The following RAB3GAP2 variants were observed in gnomAD, a reference collection of about 807,000 sequenced individuals.
RAB3GAP2 encodes rab3 GTPase-activating protein non-catalytic subunit.
In RAB3GAP2, 87 loss-of-function variants were observed where a neutral mutation model predicts 185.3. The ratio of observed to expected loss-of-function variants is 0.47; its 90% CI spans 0.39 to 0.56. The LOEUF (loss-of-function observed/expected upper bound fraction) is 0.56, where lower values mean the gene tolerates loss of function less well. Ranked by LOEUF, RAB3GAP2 falls within the 20% of genes least tolerant of loss-of-function variation. The pLI is 0.00. For missense variants in RAB3GAP2, 1,492 were observed against 1,638.2 expected (o/e 0.91, Z 1.54); for synonymous variants, 554 against 576.1 (o/e 0.96, Z 0.55).
chr1:220,190,382 T>C lies in RAB3GAP2; in HGVS notation c.1626A>G (p.Ala542=), dbSNP rs759775366. 10 of 1,614,044 alleles carry C rather than the reference T, an allele frequency of 6.2e-6. No individual in the cohort carries two copies. In the East Asian group the frequency reaches 2.0e-4, roughly 32 times the overall value. Residue 542 remains alanine (A), a synonymous_variant, in exon 15 of 35, where the codon GCA becomes GCG. Coordinates refer to ENST00000358951, the MANE Select transcript of RAB3GAP2 (RefSeq NM_012414.4). The part of the protein sequence containing the change: ...VKTVNVPFHL[A]LSDKKSERAK... ...CAACACTGGACACACCTTACCTCAG[T>C]GCTAAATGGAAGGGAACGTTCACTG...
chr1:220,181,513 T>C (rs555679511), intron 21 of RAB3GAP2, among the ~76,000 whole-genome samples: 1 of 152,316 alleles, frequency 6.6e-6, no homozygotes, highest in East Asian at 1.9e-4. Context: ...CCTTGGATGA[T>C]TCTTTTGTTT....
chr1:220,155,896 T>C (rs1229807940), intron 31 of RAB3GAP2, among the ~76,000 whole-genome samples: 1 of 152,184 alleles, frequency 6.6e-6, no homozygotes, highest in African/African-American at 2.4e-5. Flanking sequence ...TTTTTTAACT[T>C]TTAAGTACTC....
intron 27 of RAB3GAP2, among the ~76,000 whole-genome samples, chr1:220,163,985 G>A (rs1658016152): frequency 6.6e-6 from 1 of 151,772 alleles, no homozygotes; most frequent in South Asian, 2.1e-4. Flanking sequence ...CATTTACTAA[G>A]GTTACTAACT....
At position 220,185,709 on chromosome 1, in the gene RAB3GAP2, TAAACGTTCACTTGCCA is replaced by T. The variant is rs1345911173; in HGVS notation, c.1796_1811del (p.Leu599TyrfsTer13). On this transcript the variant is annotated frameshift_variant, in exon 18 of 35. Coordinates refer to ENST00000358951, the MANE Select transcript of RAB3GAP2 (RefSeq NM_012414.4). LOFTEE classifies it high-confidence loss of function. ...TGATGTTTCTAAGGCAAGAAAATGG[TAAACGTTCACTTGCCA>T]AAATGCTTTCCAAAGCCTAGGAGAA... 1.2e-6 allele frequency: 2 copies of T among 1,612,562 alleles called. No individual in the cohort carries two copies. Among genetic ancestry groups the T allele is most frequent in the Non-Finnish European group, 1.7e-6 (2 of 1,178,936 alleles).
intron 31 of RAB3GAP2, among the ~76,000 whole-genome samples, chr1:220,157,050 G>T (rs1021982682): frequency 3.9e-5 from 6 of 152,116 alleles, no homozygotes; most frequent in Non-Finnish European, 8.8e-5. Flanking sequence ...ATAATATGGA[G>T]AATGAGAAGA....
intron 9 of RAB3GAP2, among the ~76,000 whole-genome samples, chr1:220,198,780 G>C (rs1011720635): frequency 6.6e-6 from 1 of 152,008 alleles, no homozygotes; most frequent in African/African-American, 2.4e-5. Flanking sequence ...CTGAGCGTCT[G>C]AGGCCTTCCC....
chr1:220,194,457 A>G (rs1658685376), intron 12 of RAB3GAP2, among the ~76,000 whole-genome samples: 1 of 152,136 alleles, frequency 6.6e-6, no homozygotes, highest in African/African-American at 2.4e-5. Flanking sequence ...CAACAGTGCA[A>G]TATCGGCTCA....
intron 17 of RAB3GAP2, among the ~76,000 whole-genome samples, chr1:220,187,462 A>C (rs1160859073): frequency 6.6e-6 from 1 of 152,202 alleles, no homozygotes; most frequent in Non-Finnish European, 1.5e-5. Flanking sequence ...AGAGCTTCAG[A>C]ATAAGGGGGT....
intron 33 of RAB3GAP2, 131 bp downstream of exon 33, chr1:220,153,054 T>C: frequency 1.4e-6 from 1 of 737,210 alleles, no homozygotes; most frequent in Admixed American, 2.1e-5. Context: ...TATTCTATTG[T>C]TCTATTTTTA....
At position 220,171,794 on chromosome 1, in the gene RAB3GAP2, G is replaced by A. The variant is rs80142151; in HGVS notation, c.2577+95C>T. ...GGGAGCACCTCTCATCCCTCTCCCC[G>A]CTCCAAAAAACCCCCCGAAAAACCC... On this transcript the variant is annotated intron_variant, in intron 23 of 34. Coordinates refer to ENST00000358951, the MANE Select transcript of RAB3GAP2 (RefSeq NM_012414.4). The A allele has an allele frequency of 6.9e-3, 9,801 of 1,420,900 alleles. 68 individuals are homozygous for A. The highest frequency in any genetic ancestry group is 8.3e-3 in the Non-Finnish European group (8,375 of 1,007,900). The allele number at this position is 1,420,900 out of a possible 1,614,324, so 88.0% of individuals were successfully genotyped here. A position where few individuals can be genotyped will look rare whatever the true frequency, so the allele number is the denominator to read the frequency against.
At chr1:220,189,119 G>A (rs1214851517) in intron 17 of RAB3GAP2, among the ~76,000 whole-genome samples, 3 of 152,034 alleles carry the variant, frequency 2.0e-5, no homozygotes, top group Non-Finnish European at 4.4e-5. Context: ...GACACTCAGG[G>A]CTCTTTAGAG....
chr1:220,199,184 G>A (rs1300041597), intron 9 of RAB3GAP2, among the ~76,000 whole-genome samples: 1 of 152,062 alleles, frequency 6.6e-6, no homozygotes, highest in Admixed American at 6.6e-5. Flanking sequence ...AAAAGGAGGA[G>A]CAAGTTTGAC....
At chr1:220,210,927 A>C (rs754573920) in intron 5 of RAB3GAP2, 28 bp downstream of exon 5, 15 of 1,613,856 alleles carry the variant, frequency 9.3e-6, no homozygotes, top group Non-Finnish European at 1.2e-5. Flanking sequence ...CAAAGCAAAG[A>C]AAACAGATGA....
chr1:220,243,228 C>T (rs1659731755), intron 1 of RAB3GAP2, among the ~76,000 whole-genome samples: 1 of 151,884 alleles, frequency 6.6e-6, no homozygotes, highest in Non-Finnish European at 1.5e-5. Flanking sequence ...GTGGCAGGCG[C>T]CTGTAGTCCC....
In RAB3GAP2 at chr1:220,157,500, G is replaced by A. The variant is rs761014809; in HGVS notation, c.3337-12C>T. 2.5e-6 allele frequency: 4 copies of A among 1,609,670 alleles called. No homozygotes were observed. In the Admixed American group the frequency reaches 6.7e-5, roughly 27 times the overall value. On this transcript the variant is annotated splice_polypyrimidine_tract_variant and intron_variant, in intron 30 of 34. Transcript: ENST00000358951. ...CTGCTAACATCTGCCTAAGGGTTTTGAGAATGGAGGACTGTGTTCAGTAAT... is the reference window on the plus strand; with the variant it reads ...CTGCTAACATCTGCCTAAGGGTTTTAAGAATGGAGGACTGTGTTCAGTAAT...
At chr1:220,174,019 CAA>C (rs398050108) in intron 21 of RAB3GAP2, among the ~76,000 whole-genome samples, 5 of 51,002 alleles carry the variant, frequency 9.8e-5, no homozygotes, top group Non-Finnish European at 1.6e-4. Context: ...GACTCTGTCT[CAA>C]AAAAAAAAAA....
intron 30 of RAB3GAP2, 60 bp from the exon 31 acceptor site, chr1:220,157,548 A>G: frequency 6.5e-7 from 1 of 1,534,504 alleles, no homozygotes; most frequent in Non-Finnish European, 9.0e-7. Flanking sequence ...GCTTACAAAT[A>G]TCCCAATGAG....
intron 7 of RAB3GAP2, among the ~76,000 whole-genome samples, chr1:220,208,726 T>C (rs1659021439): frequency 6.6e-6 from 1 of 152,212 alleles, no homozygotes; most frequent in African/African-American, 2.4e-5. Context: ...AACAATTTTT[T>C]TTTTTTTTGA....
chr1:220,272,195 G>A (rs1660348926), intron 1 of RAB3GAP2, 28 bp downstream of exon 1: 3 of 1,559,232 alleles, frequency 1.9e-6, no homozygotes, highest in Non-Finnish European at 1.8e-6. Context: ...GACGAGGGAA[G>A]GAAGGGCGAG....
Sources: allele counts gnomAD v4.1 joint callset (sites outside exome capture counted in the v4.1 genomes callset), GRCh38; gene constraint gnomAD v4.1.1; transcripts MANE v1.5; gene names NCBI Gene and HGNC (gene_info 2026-07-23, HGNC 2026-07-21).